GYPB: variants seen among roughly 807,000 people sequenced by gnomAD.
The protein encoded by GYPB is glycophorin B (MNS blood group).
Under a neutral mutation model 15.3 loss-of-function variants are expected in GYPB, and 13 were observed. The observed-to-expected ratio is 0.85, with a 90% CI of 0.55 to 1.35. The LOEUF (loss-of-function observed/expected upper bound fraction) is 1.35. Among genes scored for constraint, GYPB ranks in the 40% most tolerant of loss-of-function variants. The pLI is 0.00. For missense variants in GYPB, 131 were observed against 108.3 expected (o/e 1.21, Z -0.93); for synonymous variants, 38 against 36.9 (o/e 1.03, Z -0.11).
intron 1 of GYPB, chr4:144,002,621 C>A (rs1311656726): frequency 7.8e-7 from 1 of 1,287,186 alleles, no homozygotes; most frequent in Non-Finnish European, 1.0e-6. Context: ...CACCCAAGTG[C>A]AGTGGAGTGG....
chr4:144,005,933 T>A (rs1727889054), intron 1 of GYPB, among the ~76,000 whole-genome samples: 1 of 151,224 alleles, frequency 6.6e-6, no homozygotes, highest in South Asian at 2.1e-4. Flanking sequence ...GAAAGGGGAG[T>A]ATAACATGCA....
chr4:144,002,772 C>G, intron 1 of GYPB: 1 of 999,592 alleles, frequency 1.0e-6, no homozygotes, highest in Non-Finnish European at 1.4e-6. Context: ...GTTCTAAAAC[C>G]TTTCTCTATT....
At chr4:143,996,813 C>T (rs1406247326) in intron 4 of GYPB, among the ~76,000 whole-genome samples, 1 of 151,052 alleles carries the variant, frequency 6.6e-6, no homozygotes, top group South Asian at 2.1e-4. Context: ...AAAAAAATCA[C>T]TGATGTTAAG....
intron 1 of GYPB, among the ~76,000 whole-genome samples, chr4:144,013,016 A>G (rs1039809839): frequency 6.6e-6 from 1 of 151,732 alleles, no homozygotes; most frequent in Admixed American, 6.5e-5. Context: ...ACAAAAATCT[A>G]CAGAATGAAG....
At chr4:144,005,484 T>C (rs1450639949) in intron 1 of GYPB, among the ~76,000 whole-genome samples, 50 of 151,942 alleles carry the variant, frequency 3.3e-4, no homozygotes, top group Non-Finnish European at 6.5e-4. Context: ...TTGATGATTT[T>C]TTTCCACACT....
At chr4:144,016,905 A>G in intron 1 of GYPB, 1 of 348,104 alleles carries the variant, frequency 2.9e-6, no homozygotes, top group South Asian at 2.3e-5. Context: ...GTTTAGCATA[A>G]ATGTCATCTA....
chr4:143,996,194 A>AG lies in GYPB; in HGVS notation c.*104dup, dbSNP rs1455206492. The AG allele has an allele frequency of 1.3e-6, 2 of 1,544,144 alleles. No homozygotes were observed. Among genetic ancestry groups the AG allele is most frequent in the Non-Finnish European group, 8.7e-7 (1 of 1,142,862 alleles). ...ACAGGGAATTAGGATAGCCAGGGGTAGGGGCATAAGCAAAGGAATAGCAGG... is the reference window on the plus strand; with the variant it reads ...ACAGGGAATTAGGATAGCCAGGGGTAGGGGGCATAAGCAAAGGAATAGCAGG... On this transcript the variant is annotated 3_prime_UTR_variant, in exon 5 of 5. Coordinates refer to ENST00000502664, the MANE Select transcript of GYPB (RefSeq NM_002100.6).
chr4:144,018,404 T>C (rs921305468), intron 1 of GYPB, among the ~76,000 whole-genome samples: 13 of 151,050 alleles, frequency 8.6e-5, no homozygotes, highest in Non-Finnish European at 1.5e-5. Flanking sequence ...GAGTGCTCAG[T>C]AGATCCTTGA....
chr4:144,011,326 G>A (rs562747812), intron 1 of GYPB, among the ~76,000 whole-genome samples: 1 of 151,504 alleles, frequency 6.6e-6, no homozygotes, highest in East Asian at 1.9e-4. Context: ...GTTGCAGTGA[G>A]CCGAGATCGT....
At position 144,005,490 on chromosome 4, in the gene GYPB, A is replaced by G. The variant is rs200831001; in HGVS notation, c.38-4207T>C. ...GTCTTCATTTTGATGATTTTTTTCC[A>G]CACTAATTTATTGTATTACTTAGAT... On this transcript the variant is annotated intron_variant, in intron 1 of 4. Coordinates refer to ENST00000502664, the MANE Select transcript of GYPB (RefSeq NM_002100.6). Among the ~76,000 whole-genome samples, 48 of 152,018 alleles carry G rather than the reference A, an allele frequency of 3.2e-4. No homozygotes were observed. In the East Asian group the frequency reaches 8.1e-3, roughly 26 times the overall value.
At chr4:144,001,333 A>T (rs182037159) in intron 1 of GYPB, 50 bp from the exon 2 acceptor site, 3 of 1,611,418 alleles carry the variant, frequency 1.9e-6, no homozygotes, top group Non-Finnish European at 2.5e-6. Context: ...GTGACTGAGC[A>T]GACCATAAAG....
At chr4:144,017,046 T>C (rs1452143006) in intron 1 of GYPB, among the ~76,000 whole-genome samples, 2 of 150,776 alleles carry the variant, frequency 1.3e-5, no homozygotes, top group Non-Finnish European at 2.9e-5. Flanking sequence ...ATAGTTGTTG[T>C]TCCATTTATT....
chr4:143,997,470 T>C lies in GYPB; in HGVS notation c.270+70A>G, dbSNP rs184668613. The C allele has an allele frequency of 4.1e-5, 35 of 846,230 alleles. No homozygotes were observed. In the East Asian group the frequency reaches 8.2e-4, roughly 20 times the overall value. 52.4% of individuals were successfully genotyped at this position (846,230 alleles called of 1,614,324 possible). A position where few individuals can be genotyped will look rare whatever the true frequency, so the allele number is the denominator to read the frequency against. On this transcript the variant is annotated intron_variant, in intron 4 of 4. Coordinates refer to ENST00000502664, the MANE Select transcript of GYPB (RefSeq NM_002100.6). Reference sequence around the variant, plus strand: ...GTTTCTCTTCTGAGTTTAACTGAACTCAGAGGAATAAACCCTCCTAGAGCT... The same window carrying C: ...GTTTCTCTTCTGAGTTTAACTGAACCCAGAGGAATAAACCCTCCTAGAGCT...
intron 1 of GYPB, chr4:144,008,501 A>T (rs1728043792): frequency 2.2e-6 from 1 of 455,092 alleles, no homozygotes; most frequent in Admixed American, 2.4e-5. Context: ...GGTTATTAAC[A>T]GTCTGTTAAG....
intron 2 of GYPB, 69 bp downstream of exon 2, chr4:144,001,116 C>A: frequency 6.2e-7 from 1 of 1,611,160 alleles, no homozygotes. Context: ...GTGACAGGTC[C>A]CCTAAAATAG....
At chr4:144,005,195 T>C (rs1318289103) in intron 1 of GYPB, among the ~76,000 whole-genome samples, 4 of 151,956 alleles carry the variant, frequency 2.6e-5, no homozygotes, top group Non-Finnish European at 2.9e-5. Flanking sequence ...ACTTTACAGA[T>C]AGACATTTGG....
Position 144,019,233 on chromosome 4 carries a change from T to C in GYPB, c.37+18A>G. The C allele has an allele frequency of 6.2e-7, 1 of 1,610,558 alleles. No homozygotes were observed. On this transcript the variant is annotated intron_variant, in intron 1 of 4. Coordinates refer to ENST00000502664, the MANE Select transcript of GYPB (RefSeq NM_002100.6). ...CATACCCAATATAACAGAACCAAGA[T>C]GAAATAAAATCACTTACCTGACAAT...
rs1247703213 is a variant in GYPB, at chr4:144,015,330, C to T, written c.37+3921G>A. On this transcript the variant is annotated intron_variant, in intron 1 of 4. Coordinates refer to ENST00000502664, the MANE Select transcript of GYPB (RefSeq NM_002100.6). ...AGTTTAGTTCATTTATCACAGAAAACTACACAGATAGGTACTTACTAAAGA... is the reference window on the plus strand; with the variant it reads ...AGTTTAGTTCATTTATCACAGAAAATTACACAGATAGGTACTTACTAAAGA... 2.0e-5 allele frequency among the ~76,000 whole-genome samples: 3 copies of T among 151,038 alleles called. 1 individual carries two copies. Among genetic ancestry groups the T allele is most frequent in the Non-Finnish European group, 1.5e-5 (1 of 67,988 alleles).
chr4:143,995,203 G>T (rs966818139), downstream of GYPB, among the ~76,000 whole-genome samples: 1 of 151,086 alleles, frequency 6.6e-6, no homozygotes, highest in African/African-American at 2.5e-5. Flanking sequence ...ATCATGGTGT[G>T]ACTGTAATGT....
Sources: allele counts gnomAD v4.1 joint callset (sites outside exome capture counted in the v4.1 genomes callset), GRCh38; gene constraint gnomAD v4.1.1; transcripts MANE v1.5; gene names NCBI Gene and HGNC (gene_info 2026-07-23, HGNC 2026-07-21).